PRKCA: variants seen among roughly 807,000 people sequenced by gnomAD.
The protein encoded by PRKCA is protein kinase C alpha type.
Under a neutral mutation model 87.0 loss-of-function variants are expected in PRKCA, and 27 were observed. The ratio of observed to expected loss-of-function variants is 0.31; its 90% CI spans 0.23 to 0.43. The LOEUF (loss-of-function observed/expected upper bound fraction) is 0.43. Ranked by LOEUF, PRKCA falls within the 20% of genes least tolerant of loss-of-function variation. PRKCA has a pLI of 1.00. For synonymous variants in PRKCA, 329 were observed against 311.1 expected (o/e 1.06, Z -0.61); for missense variants, 518 against 852.3 (o/e 0.61, Z 4.88).
chr17:66,774,959 T>A, intron 14 of PRKCA: 1 of 985,390 alleles, frequency 1.0e-6, no homozygotes, highest in Non-Finnish European at 1.2e-6. Context: ...TTGCCTAACA[T>A]GGCACTTTCT....
At chr17:66,415,799 A>G (rs1912108236) in intron 2 of PRKCA, 1 of 152,002 alleles carries the variant, frequency 6.6e-6, no homozygotes, top group Admixed American at 6.6e-5. Context: ...TGAAATGGGG[A>G]TAACAACAGT....
chr17:66,698,539 T>C (rs1463104912), intron 8 of PRKCA, among the ~76,000 whole-genome samples: 1 of 152,048 alleles, frequency 6.6e-6, no homozygotes, highest in African/African-American at 2.4e-5. Context: ...CATTTATAAT[T>C]ACCAAGTCAG....
chr17:66,757,691 C>A (rs2144284616), intron 13 of PRKCA, among the ~76,000 whole-genome samples: 1 of 151,928 alleles, frequency 6.6e-6, no homozygotes, highest in Non-Finnish European at 1.5e-5. Flanking sequence ...GCCAGTAGAC[C>A]AGCCTGGCAA....
chr17:66,734,963 T>G (rs1425514016), intron 9 of PRKCA, among the ~76,000 whole-genome samples: 1 of 152,214 alleles, frequency 6.6e-6, no homozygotes, highest in African/African-American at 2.4e-5. Flanking sequence ...ATGAATAGTT[T>G]TCACAACTAA....
intron 2 of PRKCA, among the ~76,000 whole-genome samples, chr17:66,454,660 T>G (rs1914498917): frequency 6.6e-6 from 1 of 152,166 alleles, no homozygotes; most frequent in African/African-American, 2.4e-5. Context: ...CAAGTTTCCC[T>G]TTCTAAAACC....
At chr17:66,581,441 G>C (rs1428754535) in intron 3 of PRKCA, among the ~76,000 whole-genome samples, 1 of 152,108 alleles carries the variant, frequency 6.6e-6, no homozygotes, top group African/African-American at 2.4e-5. Context: ...AACCATATTT[G>C]AGAGGGAATC....
At chr17:66,348,071 A>G (rs1335817197) in intron 2 of PRKCA, among the ~76,000 whole-genome samples, 2 of 150,316 alleles carry the variant, frequency 1.3e-5, no homozygotes, top group Non-Finnish European at 2.9e-5. Flanking sequence ...ACTTATGAGT[A>G]GCTGGGATTA....
chr17:66,641,704 G>A (rs1971301179), intron 4 of PRKCA, among the ~76,000 whole-genome samples: 1 of 151,568 alleles, frequency 6.6e-6, no homozygotes, highest in Non-Finnish European at 1.5e-5. Flanking sequence ...AATGAGGTTG[G>A]TGGGTGCTGT....
At chr17:66,607,823 T>C (rs978183119) in intron 3 of PRKCA, among the ~76,000 whole-genome samples, 4 of 152,200 alleles carry the variant, frequency 2.6e-5, no homozygotes, top group Non-Finnish European at 4.4e-5. Context: ...TGGATGTATG[T>C]TTAATTCAGT....
intron 2 of PRKCA, among the ~76,000 whole-genome samples, chr17:66,425,023 A>G (rs1912721796): frequency 6.6e-6 from 1 of 152,002 alleles, no homozygotes; most frequent in Non-Finnish European, 1.5e-5. Flanking sequence ...TGGCCTCCCA[A>G]TGTGTTGGGA....
chr17:66,404,742 CTTTTTTTTTTT>C (rs773919783), intron 2 of PRKCA, among the ~76,000 whole-genome samples: 7 of 54,248 alleles, frequency 1.3e-4, no homozygotes, highest in East Asian at 4.9e-4. Context: ...GATGGTAGGC[CTTTTTTTTTTT>C]TTTTTTTTTT....
chr17:66,700,055 C>T (rs1973024316), intron 8 of PRKCA, among the ~76,000 whole-genome samples: 1 of 152,178 alleles, frequency 6.6e-6, no homozygotes, highest in African/African-American at 2.4e-5. Context: ...TGCAAAAATT[C>T]TCAACAAAAT....
intron 2 of PRKCA, among the ~76,000 whole-genome samples, chr17:66,405,805 G>C (rs942146144): frequency 6.6e-5 from 10 of 152,074 alleles, no homozygotes; most frequent in African/African-American, 2.4e-4. Flanking sequence ...CTCTTCATTG[G>C]CAATTTTTTT....
chr17:66,616,748 G>T (rs1255909958), intron 3 of PRKCA, among the ~76,000 whole-genome samples: 1 of 152,200 alleles, frequency 6.6e-6, no homozygotes, highest in Non-Finnish European at 1.5e-5. Flanking sequence ...TGTGTTAAGT[G>T]CCATAAGCCT....
chr17:66,677,297 C>G (rs761526939), intron 5 of PRKCA: 8 of 152,254 alleles, frequency 5.3e-5, no homozygotes, highest in Non-Finnish European at 1.0e-4. Context: ...CCAGGCTGGT[C>G]TCAAGCTCCT....
intron 2 of PRKCA, among the ~76,000 whole-genome samples, chr17:66,346,858 C>T (rs1598606810): frequency 6.6e-6 from 1 of 151,832 alleles, no homozygotes; most frequent in African/African-American, 2.4e-5. Flanking sequence ...GGTTAAACCC[C>T]ATCTCTACTA....
intron 2 of PRKCA, among the ~76,000 whole-genome samples, chr17:66,320,374 CTA>C (rs1451892890): frequency 4.0e-5 from 6 of 151,228 alleles, no homozygotes; most frequent in African/African-American, 1.5e-4. Flanking sequence ...ATCCAATACT[CTA>C]TTTTTTTTTT....
chr17:66,303,099 C>A (rs1904602415), intron 1 of PRKCA, 75 bp downstream of exon 1: 1 of 1,557,004 alleles, frequency 6.4e-7, no homozygotes, highest in Non-Finnish European at 8.7e-7. Flanking sequence ...TCCGGCGCGT[C>A]CGCCCCGGGG....
intron 13 of PRKCA, among the ~76,000 whole-genome samples, chr17:66,746,648 A>T (rs78529930): frequency 9.6e-4 from 146 of 152,276 alleles, no homozygotes; most frequent in Non-Finnish European, 1.8e-3. Flanking sequence ...GCGTCTCCTT[A>T]GGCAGCGAAG....
Sources: allele counts gnomAD v4.1 joint callset (sites outside exome capture counted in the v4.1 genomes callset), GRCh38; gene constraint gnomAD v4.1.1; transcripts MANE v1.5; gene names NCBI Gene and HGNC (gene_info 2026-07-23, HGNC 2026-07-21).